Variants in ADGRL3 observed in about 807,000 individuals in gnomAD.
ADGRL3 encodes adhesion G protein-coupled receptor L3.
ADGRL3 carries 62 observed loss-of-function variants against 153.5 expected under a neutral mutation model. The ratio of observed to expected loss-of-function variants is 0.40; its 90% CI spans 0.33 to 0.50. The LOEUF is 0.50. Among genes scored for constraint, ADGRL3 ranks in the 20% least tolerant of loss-of-function variants. ADGRL3 has a pLI of 0.47. For synonymous variants in ADGRL3, 710 were observed against 672.5 expected (o/e 1.06, Z -0.86); for missense variants, 1,641 against 1,859.4 (o/e 0.88, Z 2.16).
intron 1 of ADGRL3, among the ~76,000 whole-genome samples, chr4:61,354,501 A>G (rs534045791): frequency 2.6e-5 from 4 of 152,156 alleles, no homozygotes; most frequent in Admixed American, 2.0e-4. Context: ...GAAATGGTGT[A>G]TGATCGCAAA....
intron 25 of ADGRL3, among the ~76,000 whole-genome samples, chr4:62,055,575 C>T (rs1736560585): frequency 6.6e-6 from 1 of 151,684 alleles, no homozygotes; most frequent in African/African-American, 2.4e-5. Flanking sequence ...TCTGTAATGT[C>T]ATTGTTCAAA....
At chr4:61,885,114 C>G (rs1026932285) in intron 9 of ADGRL3, among the ~76,000 whole-genome samples, 3 of 151,666 alleles carry the variant, frequency 2.0e-5, no homozygotes, top group Non-Finnish European at 4.4e-5. Flanking sequence ...CCGTCTCTAC[C>G]GAAAATACAA....
chr4:61,496,889 C>A (rs368108847), intron 2 of ADGRL3, among the ~76,000 whole-genome samples: 7 of 151,354 alleles, frequency 4.6e-5, no homozygotes, highest in Non-Finnish European at 8.8e-5. Flanking sequence ...TGCAGTGAGC[C>A]GAGATCGCGC....
intron 1 of ADGRL3, among the ~76,000 whole-genome samples, chr4:61,267,625 C>G (rs1196417967): frequency 6.6e-6 from 1 of 151,580 alleles, no homozygotes; most frequent in African/African-American, 2.4e-5. Flanking sequence ...GATGGCTGCC[C>G]CTTTTCCTGA....
intron 17 of ADGRL3, among the ~76,000 whole-genome samples, chr4:61,971,585 C>T (rs1274431763): frequency 1.3e-5 from 2 of 151,956 alleles, no homozygotes; most frequent in Non-Finnish European, 2.9e-5. Flanking sequence ...GGTTCCAAGT[C>T]TTTGCTATTG....
At chr4:61,449,285 C>T (rs570956780) in intron 2 of ADGRL3, among the ~76,000 whole-genome samples, 4 of 151,822 alleles carry the variant, frequency 2.6e-5, no homozygotes, top group Non-Finnish European at 4.4e-5. Context: ...TAGAGAAATG[C>T]GCCACCACGC....
At chr4:61,262,478 G>C (rs763467693) in intron 1 of ADGRL3, among the ~76,000 whole-genome samples, 2 of 151,880 alleles carry the variant, frequency 1.3e-5, no homozygotes, top group Admixed American at 6.6e-5. Flanking sequence ...TAAAAAAATT[G>C]GGCAACATTT....
chr4:61,355,677 C>T (rs1225820025), intron 1 of ADGRL3, among the ~76,000 whole-genome samples: 2 of 152,044 alleles, frequency 1.3e-5, no homozygotes, highest in Non-Finnish European at 2.9e-5. Context: ...AAACATTGAT[C>T]CACTCTCTCC....
intron 24 of ADGRL3, among the ~76,000 whole-genome samples, chr4:62,039,894 G>T (rs12511138): frequency 0.22 from 32,687 of 151,876 alleles, 3,699 homozygotes; most frequent in Middle Eastern, 0.26. Context: ...TCATTTTATT[G>T]ACATATGTCA....
intron 4 of ADGRL3, among the ~76,000 whole-genome samples, chr4:61,574,828 T>G (rs1037329280): frequency 2.6e-5 from 4 of 151,914 alleles, no homozygotes; most frequent in Admixed American, 2.6e-4. Flanking sequence ...GGATTTACTG[T>G]TTTTGCTCAT....
intron 8 of ADGRL3, among the ~76,000 whole-genome samples, chr4:61,797,530 A>C (rs1049812000): frequency 2.6e-5 from 4 of 152,204 alleles, no homozygotes; most frequent in Non-Finnish European, 5.9e-5. Flanking sequence ...ATAGAAAGTG[A>C]GATTATAAAA....
chr4:61,373,655 G>C (rs758416255), intron 1 of ADGRL3, among the ~76,000 whole-genome samples: 2 of 152,062 alleles, frequency 1.3e-5, no homozygotes, highest in Non-Finnish European at 2.9e-5. Context: ...ATAGTTTGCT[G>C]TTCTTTGACT....
intron 2 of ADGRL3, among the ~76,000 whole-genome samples, chr4:61,401,065 C>A (rs2096924645): frequency 7.1e-6 from 1 of 141,768 alleles, no homozygotes; most frequent in Non-Finnish European, 1.6e-5. Context: ...AAGGAAGATT[C>A]TTTTTTTTTT....
chr4:61,298,715 G>A (rs2094490347), intron 1 of ADGRL3, among the ~76,000 whole-genome samples: 2 of 152,104 alleles, frequency 1.3e-5, no homozygotes, highest in African/African-American at 4.8e-5. Flanking sequence ...TACTTCTGTA[G>A]TTAAAAAATT....
rs781097451 is a variant in ADGRL3, at chr4:61,892,643, A to G, written c.1481-13A>G. On this transcript the variant is annotated splice_polypyrimidine_tract_variant and intron_variant, in intron 9 of 26. Coordinates refer to ENST00000683033, the MANE Select transcript of ADGRL3 (RefSeq NM_001387552.1). ...CAAGCAATGTAGGTGTTTTCTTTCTAATTTTATTTCAGATATCTCTACCAC... is the reference window on the plus strand; with the variant it reads ...CAAGCAATGTAGGTGTTTTCTTTCTGATTTTATTTCAGATATCTCTACCAC... 1 of 1,609,216 alleles carries G rather than the reference A, an allele frequency of 6.2e-7. No individual in the cohort carries two copies. The highest frequency in any genetic ancestry group is 8.5e-7 in the Non-Finnish European group (1 of 1,175,764).
In ADGRL3 at chr4:61,342,578, C is replaced by T. The variant is rs1003295874; in HGVS notation, c.-239-40546C>T. Among the ~76,000 whole-genome samples, 10 of 152,152 alleles carry T rather than the reference C, an allele frequency of 6.6e-5. No individual in the cohort carries two copies. In the South Asian group the frequency reaches 2.1e-3, roughly 32 times the overall value. On this transcript the variant is annotated intron_variant, in intron 1 of 26. Transcript: ENST00000683033. ...ATGCCATTACCTCTTTCATATTTAT[C>T]CTCTTTTTTGACAAGCCGTGCTCTT...
At chr4:61,232,123 G>A (rs1750902155) in intron 1 of ADGRL3, among the ~76,000 whole-genome samples, 1 of 152,108 alleles carries the variant, frequency 6.6e-6, no homozygotes, top group South Asian at 2.1e-4. Context: ...AAGGTCAAAT[G>A]TTTTGATGCA....
chr4:61,217,801 C>A (rs1743553504), intron 1 of ADGRL3, among the ~76,000 whole-genome samples: 1 of 152,144 alleles, frequency 6.6e-6, no homozygotes, highest in Admixed American at 6.6e-5. Context: ...TTTTTCCCAT[C>A]CCCATTGACT....
chr4:61,821,709 T>A (rs1308802800), intron 9 of ADGRL3, among the ~76,000 whole-genome samples: 2 of 152,154 alleles, frequency 1.3e-5, no homozygotes, highest in Non-Finnish European at 1.5e-5. Context: ...TTACCTTTTT[T>A]CCCTCAAATA....
Sources: gnomAD v4.1 joint callset for allele counts (sites outside exome capture counted in the v4.1 genomes callset) on GRCh38, gnomAD v4.1.1 for gene constraint, MANE v1.5 for transcripts, NCBI Gene and HGNC (gene_info 2026-07-23, HGNC 2026-07-21) for gene names.